The following C1QTNF7 variants were observed in gnomAD, a reference collection of about 807,000 sequenced individuals.
The protein encoded by C1QTNF7 is complement C1q tumor necrosis factor-related protein 7.
A neutral mutation model predicts 19.6 loss-of-function variants in C1QTNF7; 15 were observed. That is an observed-to-expected ratio of 0.76 (90% CI 0.51 to 1.18). The LOEUF (loss-of-function observed/expected upper bound fraction) is 1.18. Ranked by LOEUF, C1QTNF7 falls within the 50% of genes most tolerant of loss-of-function variation. The pLI is 0.00. For synonymous variants in C1QTNF7, 142 were observed against 137.5 expected (o/e 1.03, Z -0.23); for missense variants, 324 against 359.7 (o/e 0.90, Z 0.80).
intron 1 of C1QTNF7, among the ~76,000 whole-genome samples, chr4:15,356,943 GTTTTTTT>G (rs199653260): frequency 3.2e-5 from 4 of 126,782 alleles, no homozygotes; most frequent in African/African-American, 5.8e-5. Flanking sequence ...TGATAAAGTT[GTTTTTTT>G]TTTTTTTTGT....
intron 1 of C1QTNF7, among the ~76,000 whole-genome samples, chr4:15,363,269 G>A (rs1717403895): frequency 6.6e-6 from 1 of 151,780 alleles, no homozygotes; most frequent in Non-Finnish European, 1.5e-5. Context: ...TACAATGATT[G>A]TGTGTTGGAT....
intron 1 of C1QTNF7, among the ~76,000 whole-genome samples, chr4:15,363,803 A>G (rs1178698868): frequency 1.3e-5 from 2 of 152,232 alleles, no homozygotes; most frequent in African/African-American, 2.4e-5. Context: ...CAATATGAAG[A>G]AAGAAATGTC....
intron 2 of C1QTNF7, among the ~76,000 whole-genome samples, chr4:15,437,381 T>A (rs1344827432): frequency 6.6e-6 from 1 of 152,052 alleles, no homozygotes; most frequent in East Asian, 1.9e-4. Flanking sequence ...AAAGAGTACA[T>A]GCAAAACCTT....
At chr4:15,437,672 G>GCATC (rs1712590512) in intron 2 of C1QTNF7, among the ~76,000 whole-genome samples, 1 of 151,968 alleles carries the variant, frequency 6.6e-6, no homozygotes, top group African/African-American at 2.4e-5. Context: ...ATGCATCCAG[G>GCATC]CATTATTCAT....
chr4:15,390,017 T>TA (rs1331820043), intron 1 of C1QTNF7, among the ~76,000 whole-genome samples: 2 of 152,194 alleles, frequency 1.3e-5, no homozygotes, highest in Non-Finnish European at 2.9e-5. Flanking sequence ...TACTCCCACA[T>TA]AATCCTACAC....
At chr4:15,421,561 A>C in intron 1 of C1QTNF7, among the ~76,000 whole-genome samples, 1 of 84,166 alleles carries the variant, frequency 1.2e-5, no homozygotes, top group East Asian at 2.3e-4. Flanking sequence ...TATTTCAATT[A>C]ATTTTTACAA....
In C1QTNF7 at chr4:15,442,671, G is replaced by C; in HGVS notation, c.742G>C (p.Glu248Gln). 2 of 1,614,190 alleles carry C rather than the reference G, an allele frequency of 1.2e-6. No homozygotes were observed. Among genetic ancestry groups the C allele is most frequent in the Non-Finnish European group, 1.7e-6 (2 of 1,180,034 alleles). Residue 248 changes from glutamate (E) to glutamine (Q), a missense_variant, in exon 3 of 3, where the codon GAG (glutamate) becomes CAG (glutamine). Coordinates refer to ENST00000444304, the MANE Select transcript of C1QTNF7 (RefSeq NM_031911.5). ...YLQPEDEVWL[E>Q]IFFTDQNGLF... Reference sequence around the variant, plus strand: ...GCAGCCAGAAGATGAAGTCTGGCTGGAGATTTTCTTCACAGACCAGAATGG... The same window carrying C: ...GCAGCCAGAAGATGAAGTCTGGCTGCAGATTTTCTTCACAGACCAGAATGG...
At chr4:15,417,937 C>T (rs1424490733) in intron 1 of C1QTNF7, among the ~76,000 whole-genome samples, 1 of 152,000 alleles carries the variant, frequency 6.6e-6, no homozygotes, top group Non-Finnish European at 1.5e-5. Flanking sequence ...ATTGCAAGGA[C>T]AACATTAAGC....
In C1QTNF7 at chr4:15,442,896, A is replaced by G; in HGVS notation, c.*97A>G. The G allele has an allele frequency of 1.6e-6, 2 of 1,258,354 alleles. No individual in the cohort carries two copies. The highest frequency in any genetic ancestry group is 2.2e-6 in the Non-Finnish European group (2 of 924,316). The allele number at this position is 1,258,354 out of a possible 1,614,324, so 77.9% of individuals were successfully genotyped here. On this transcript the variant is annotated 3_prime_UTR_variant, in exon 3 of 3. Transcript: ENST00000444304. ...GGGATCCAAAGAGACTCCCACTCAG[A>G]TTCTAAAGCATTTAAAGACAATTCT...
intron 1 of C1QTNF7, among the ~76,000 whole-genome samples, chr4:15,413,938 CT>C (rs959323571): frequency 1.3e-5 from 2 of 152,132 alleles, no homozygotes; most frequent in Non-Finnish European, 2.9e-5. Flanking sequence ...AGTATTTTTT[CT>C]TTCATGTATA....
intron 1 of C1QTNF7, among the ~76,000 whole-genome samples, chr4:15,353,395 G>A (rs192045183): frequency 3.7e-4 from 57 of 152,290 alleles, no homozygotes; most frequent in Non-Finnish European, 3.2e-4. Flanking sequence ...AGGATTGGCT[G>A]AGCATTTTTC....
At chr4:15,438,829 C>T (rs1371452632) in intron 2 of C1QTNF7, among the ~76,000 whole-genome samples, 1 of 151,982 alleles carries the variant, frequency 6.6e-6, no homozygotes, top group East Asian at 1.9e-4. Context: ...TGAGTAATGC[C>T]CAGGTTTCAC....
chr4:15,412,750 C>T (rs977527974), intron 1 of C1QTNF7, among the ~76,000 whole-genome samples: 4 of 152,206 alleles, frequency 2.6e-5, no homozygotes, highest in African/African-American at 9.6e-5. Context: ...CACTAAAAGA[C>T]AACTTGAAAA....
At chr4:15,346,636 C>A (rs913639078) in intron 1 of C1QTNF7, among the ~76,000 whole-genome samples, 1 of 152,158 alleles carries the variant, frequency 6.6e-6, no homozygotes, top group Admixed American at 6.5e-5. Context: ...CAATCCCATT[C>A]CACTCTAAAA....
intron 1 of C1QTNF7, among the ~76,000 whole-genome samples, chr4:15,361,563 G>A (rs909275086): frequency 2.6e-5 from 4 of 152,038 alleles, no homozygotes; most frequent in African/African-American, 9.7e-5. Flanking sequence ...ATTCCAGAAA[G>A]GTGTTTTTGC....
chr4:15,394,944 C>T (rs111417292), intron 1 of C1QTNF7, among the ~76,000 whole-genome samples: 2 of 152,150 alleles, frequency 1.3e-5, no homozygotes, highest in Non-Finnish European at 2.9e-5. Context: ...TAAAATGTAC[C>T]TGTGGGATTT....
At chr4:15,412,840 G>A (rs762047503) in intron 1 of C1QTNF7, among the ~76,000 whole-genome samples, 17 of 152,298 alleles carry the variant, frequency 1.1e-4, no homozygotes, top group East Asian at 5.8e-4. Context: ...CAATCTCAAC[G>A]AGTGAGCAAT....
chr4:15,405,255 G>A (rs1210303993), intron 1 of C1QTNF7, among the ~76,000 whole-genome samples: 1 of 152,104 alleles, frequency 6.6e-6, no homozygotes, highest in Non-Finnish European at 1.5e-5. Context: ...GACAGCAGGC[G>A]GGCTCTACAC....
At chr4:15,388,445 C>T (rs972682987) in intron 1 of C1QTNF7, among the ~76,000 whole-genome samples, 6 of 152,158 alleles carry the variant, frequency 3.9e-5, no homozygotes, top group African/African-American at 1.2e-4. Flanking sequence ...AGCAATTAGA[C>T]TCTAAGCAGA....
Sources: gnomAD v4.1 joint callset for allele counts (sites outside exome capture counted in the v4.1 genomes callset) on GRCh38, gnomAD v4.1.1 for gene constraint, MANE v1.5 for transcripts, NCBI Gene and HGNC (gene_info 2026-07-23, HGNC 2026-07-21) for gene names.